Variants in FAM222B observed in about 807,000 individuals in gnomAD.
FAM222B encodes family with sequence similarity 222 member B.
FAM222B carries 12 observed loss-of-function variants against 38.0 expected under a neutral mutation model. The observed-to-expected ratio is 0.32, with a 90% CI of 0.20 to 0.51. The LOEUF (loss-of-function observed/expected upper bound fraction) is 0.51. Among genes scored for constraint, FAM222B ranks in the 20% least tolerant of loss-of-function variants. The pLI is 0.97. For missense variants in FAM222B, 716 were observed against 754.2 expected, an observed-to-expected ratio of 0.95 and a Z score of 0.59; for synonymous variants, 329 against 317.2, an observed-to-expected ratio of 1.04 and a Z score of -0.40.
intron 1 of FAM222B, among the ~76,000 whole-genome samples, chr17:28,769,831 A>C (rs1364029615): frequency 6.6e-6 from 1 of 152,164 alleles, no homozygotes; most frequent in South Asian, 2.1e-4. Flanking sequence ...CTACCGCTTT[A>C]GGACTTTGTC....
intron 1 of FAM222B, among the ~76,000 whole-genome samples, chr17:28,790,072 A>G (rs917043003): frequency 1.3e-5 from 2 of 152,210 alleles, no homozygotes; most frequent in Non-Finnish European, 2.9e-5. Flanking sequence ...ATGATTAAAC[A>G]TATATTTATA....
chr17:28,811,164 G>A (rs1187009095), intron 1 of FAM222B, among the ~76,000 whole-genome samples: 1 of 152,220 alleles, frequency 6.6e-6, no homozygotes, highest in Non-Finnish European at 1.5e-5. Flanking sequence ...ATTTAGGCCA[G>A]GCGCGGTGGC....
At chr17:28,778,514 T>A (rs2036000157) in intron 1 of FAM222B, among the ~76,000 whole-genome samples, 1 of 147,930 alleles carries the variant, frequency 6.8e-6, no homozygotes, top group Admixed American at 6.8e-5. Context: ...CCCCGCTTTT[T>A]TTTTTTTGAG....
chr17:28,790,999 C>T (rs1307013946), intron 1 of FAM222B, among the ~76,000 whole-genome samples: 6 of 148,932 alleles, frequency 4.0e-5, no homozygotes, highest in East Asian at 4.0e-4. Context: ...CCCAGGTCCA[C>T]GCCATTCTCC....
chr17:28,768,050 C>T (rs572223234), intron 1 of FAM222B, among the ~76,000 whole-genome samples: 2 of 152,150 alleles, frequency 1.3e-5, no homozygotes, highest in Non-Finnish European at 2.9e-5. Context: ...CATACACAGC[C>T]CAAGCAAGCA....
At chr17:28,783,048 G>C (rs910962711) in intron 1 of FAM222B, among the ~76,000 whole-genome samples, 34 of 150,986 alleles carry the variant, frequency 2.3e-4, no homozygotes, top group African/African-American at 8.3e-4. Context: ...TGAGGCAGAA[G>C]AATGGTGTCA....
chr17:28,837,797 C>A (rs913641945), intron 1 of FAM222B, among the ~76,000 whole-genome samples: 10 of 151,972 alleles, frequency 6.6e-5, no homozygotes, highest in African/African-American at 2.4e-4. Flanking sequence ...GGATTACAGG[C>A]GGGTGCCACC....
At chr17:28,772,372 C>A (rs1240420314) in intron 1 of FAM222B, among the ~76,000 whole-genome samples, 3 of 151,968 alleles carry the variant, frequency 2.0e-5, no homozygotes, top group African/African-American at 7.2e-5. Flanking sequence ...AGATGTGGAT[C>A]CTAAGAGGTG....
intron 1 of FAM222B, among the ~76,000 whole-genome samples, chr17:28,813,616 T>A (rs1262100789): frequency 2.0e-5 from 3 of 151,514 alleles, no homozygotes; most frequent in Non-Finnish European, 4.4e-5. Flanking sequence ...AAGCTCCGCC[T>A]CCCAGGTTCA....
chr17:28,798,394 T>C (rs1261993573), intron 1 of FAM222B, among the ~76,000 whole-genome samples: 4 of 151,774 alleles, frequency 2.6e-5, no homozygotes, highest in African/African-American at 4.8e-5. Context: ...AAAATAATAA[T>C]AACAAATTAA....
At chr17:28,845,399 CAA>C (rs765885216), upstream of FAM222B, among the ~76,000 whole-genome samples, 1 of 134,010 alleles carries the variant, frequency 7.5e-6, no homozygotes, top group Non-Finnish European at 1.6e-5. Context: ...GACTCCATCT[CAA>C]AAAAAAAAAA....
intron 1 of FAM222B, among the ~76,000 whole-genome samples, chr17:28,835,024 T>TTGTGTGTG (rs61229770): frequency 0.062 from 8,204 of 131,978 alleles, 270 homozygotes; most frequent in Middle Eastern, 0.097. Context: ...TCAGCTAATT[T>TTGTGTGTG]TGTGTGTGTG....
chr17:28,830,829 A>AT (rs1555588521), intron 1 of FAM222B, among the ~76,000 whole-genome samples: 1 of 151,414 alleles, frequency 6.6e-6, no homozygotes, highest in Non-Finnish European at 1.5e-5. Context: ...CTATTAAAAA[A>AT]AAAATAAAAT....
intron 1 of FAM222B, among the ~76,000 whole-genome samples, chr17:28,807,152 A>C (rs1034415433): frequency 6.6e-6 from 1 of 151,056 alleles, no homozygotes; most frequent in Non-Finnish European, 1.5e-5. Flanking sequence ...AGTAGCTGGG[A>C]TTATAGGCAC....
rs1491341432 is a variant in FAM222B at position 28,771,011 on chromosome 17, TTC to T, written c.-40-4306_-40-4305del. ...ATGTGTGTGTATATATATATATTTT[TTC>T]TTTTTTTTTTTTTAAAGGAGAGGGT... is the stretch of plus-strand genomic sequence containing the variant. On this transcript the variant is annotated intron_variant, in intron 1 of 2. Transcript: ENST00000581407. Among the ~76,000 whole-genome samples the T allele has an allele frequency of 4.7e-5, 7 of 149,328 alleles. No individual in the cohort carries two copies. In the Middle Eastern group the frequency reaches 0.011, roughly 225 times the overall value.
chr17:28,809,979 C>T (rs999210471), intron 1 of FAM222B, among the ~76,000 whole-genome samples: 1 of 151,836 alleles, frequency 6.6e-6, no homozygotes, highest in Non-Finnish European at 1.5e-5. Context: ...GTACAGCCTC[C>T]AACTGGTTTT....
chr17:28,805,879 C>G (rs184631185), intron 1 of FAM222B, among the ~76,000 whole-genome samples: 1 of 152,012 alleles, frequency 6.6e-6, no homozygotes, highest in African/African-American at 2.4e-5. Context: ...CGGTGGGTCA[C>G]GCCTGTAATC....
At position 28,779,075 on chromosome 17, in the gene FAM222B, CAGA is replaced by C. The variant is rs1157545313; in HGVS notation, c.-40-12371_-40-12369del. ...CAAGGCAATGAAAACATCAAGAGAC[CAGA>C]AGAATTCTGCCAAACACTTAAGGTA... is the stretch of plus-strand genomic sequence containing the variant. On this transcript the variant is annotated intron_variant, in intron 1 of 2. Transcript: ENST00000581407. 3.9e-5 allele frequency among the ~76,000 whole-genome samples: 6 copies of C among 152,006 alleles called. No individual in the cohort carries two copies. In the South Asian group the frequency reaches 1.2e-3, roughly 32 times the overall value.
intron 1 of FAM222B, among the ~76,000 whole-genome samples, chr17:28,804,388 G>A (rs553446706): frequency 1.1e-4 from 16 of 151,882 alleles, no homozygotes; most frequent in Admixed American, 3.3e-4. Flanking sequence ...AGCCTAGAGC[G>A]CAGTGGCGCG....
Sources: allele counts gnomAD v4.1 joint callset (sites outside exome capture counted in the v4.1 genomes callset), GRCh38; gene constraint gnomAD v4.1.1; transcripts MANE v1.5; gene names NCBI Gene and HGNC (gene_info 2026-07-23, HGNC 2026-07-21).